MIPOL1: variants seen among roughly 807,000 people sequenced by gnomAD.
MIPOL1 encodes mirror-image polydactyly 1.
In MIPOL1, 57 loss-of-function variants were observed where a neutral mutation model predicts 60.9. The observed-to-expected ratio is 0.94, with a 90% CI of 0.76 to 1.17. The LOEUF is 1.17. MIPOL1 is among the 50% of genes most tolerant of loss of function. The pLI is 0.00. For missense variants in MIPOL1, 551 were observed against 511.6 expected (o/e 1.08, Z -0.74); for synonymous variants, 179 against 168.8 (o/e 1.06, Z -0.47).
chr14:37,513,431 A>T lies in MIPOL1; in HGVS notation c.1262+13293A>T, dbSNP rs192978965. ...TTATATTCATTTATTTATAAAAACT[A>T]AAGAATTTGGGCTTATATCTTAACT... On this transcript the variant is annotated intron_variant, in intron 12 of 12. Transcript: ENST00000684589. Among the ~76,000 whole-genome samples the T allele has an allele frequency of 5.5e-3, 830 of 152,282 alleles. 9 individuals carry two copies. Among genetic ancestry groups the T allele is most frequent in the African/African-American group, 0.019 (809 of 41,572 alleles).
intron 3 of MIPOL1, among the ~76,000 whole-genome samples, chr14:37,257,259 A>T (rs530838977): frequency 6.6e-6 from 1 of 152,066 alleles, no homozygotes; most frequent in East Asian, 1.9e-4. Flanking sequence ...ACAATGAGAG[A>T]TAAACAGAAT....
At chr14:37,210,577 G>T (rs1256763913) in intron 1 of MIPOL1, among the ~76,000 whole-genome samples, 2 of 152,120 alleles carry the variant, frequency 1.3e-5, no homozygotes, top group African/African-American at 4.8e-5. Flanking sequence ...CTCCTCGAAG[G>T]CTTGAAGATT....
intron 9 of MIPOL1, among the ~76,000 whole-genome samples, chr14:37,360,931 T>C (rs997266485): frequency 6.6e-6 from 1 of 152,210 alleles, no homozygotes; most frequent in Admixed American, 6.5e-5. Flanking sequence ...TTTTAGATCT[T>C]TTCTGCTTTC....
intron 9 of MIPOL1, among the ~76,000 whole-genome samples, chr14:37,338,488 A>G (rs2090352685): frequency 6.8e-6 from 1 of 147,162 alleles, no homozygotes; most frequent in African/African-American, 2.5e-5. Context: ...GGCTCACTGC[A>G]ACCTCTGCCT....
intron 11 of MIPOL1, among the ~76,000 whole-genome samples, chr14:37,431,566 T>G (rs12880043): frequency 9.7e-6 from 1 of 103,162 alleles, no homozygotes; most frequent in African/African-American, 3.6e-5. Context: ...GCCATCTCTG[T>G]TTCTTTTTTT....
chr14:37,240,926 G>GAC (rs1410943628), intron 1 of MIPOL1, among the ~76,000 whole-genome samples: 3 of 136,150 alleles, frequency 2.2e-5, no homozygotes, highest in African/African-American at 3.2e-5. Context: ...ACCAGTAGGT[G>GAC]ACACACACAC....
At chr14:37,305,285 A>G (rs2086686879) in intron 7 of MIPOL1, among the ~76,000 whole-genome samples, 1 of 151,880 alleles carries the variant, frequency 6.6e-6, no homozygotes, top group Non-Finnish European at 1.5e-5. Context: ...AAATATTCCA[A>G]ATTGGCACTT....
chr14:37,421,229 G>A (rs1422779898), intron 10 of MIPOL1, among the ~76,000 whole-genome samples: 5 of 152,070 alleles, frequency 3.3e-5, no homozygotes, highest in South Asian at 2.1e-4. Flanking sequence ...TTTTGGTTTT[G>A]TTTTCTGTGC....
At chr14:37,504,045 A>G (rs544138126) in intron 12 of MIPOL1, 1 of 152,330 alleles carries the variant, frequency 6.6e-6, no homozygotes, top group East Asian at 1.9e-4. Flanking sequence ...CACTTCAACA[A>G]GAAGAGCTAA....
chr14:37,279,617 T>C (rs2083938700), intron 6 of MIPOL1, among the ~76,000 whole-genome samples: 1 of 152,070 alleles, frequency 6.6e-6, no homozygotes, highest in Non-Finnish European at 1.5e-5. Context: ...GAGGGTTTTT[T>C]TGTTTTATTT....
At chr14:37,199,144 A>T (rs182550908) in intron 1 of MIPOL1, among the ~76,000 whole-genome samples, 1 of 152,332 alleles carries the variant, frequency 6.6e-6, no homozygotes, top group African/African-American at 2.4e-5. Flanking sequence ...AAAGACATAC[A>T]GAAAAGTGCA....
At chr14:37,318,656 C>T (rs2088199423) in intron 9 of MIPOL1, among the ~76,000 whole-genome samples, 1 of 1,566 alleles carries the variant, frequency 6.4e-4, no homozygotes, top group South Asian at 0.17. Flanking sequence ...AAAAAATTGC[C>T]CCCAAGCTCA....
chr14:37,453,326 T>C (rs773725099), intron 11 of MIPOL1, among the ~76,000 whole-genome samples: 1 of 152,174 alleles, frequency 6.6e-6, no homozygotes, highest in Admixed American at 6.5e-5. Context: ...AGTGGTTTTT[T>C]TCAGGATCCC....
chr14:37,236,460 T>TA, intron 1 of MIPOL1, among the ~76,000 whole-genome samples: 1 of 151,862 alleles, frequency 6.6e-6, no homozygotes, highest in African/African-American at 2.4e-5. Context: ...TTATTATTAT[T>TA]TTTGAGACCC....
intron 3 of MIPOL1, among the ~76,000 whole-genome samples, chr14:37,249,272 C>G (rs1408996653): frequency 6.6e-6 from 1 of 151,668 alleles, no homozygotes; most frequent in Non-Finnish European, 1.5e-5. Flanking sequence ...TTTTTGGTTC[C>G]CCTTCCCCCA....
intron 1 of MIPOL1, among the ~76,000 whole-genome samples, chr14:37,218,590 C>T (rs1021034278): frequency 2.0e-5 from 3 of 151,874 alleles, no homozygotes; most frequent in African/African-American, 7.3e-5. Context: ...TGTATTCTGC[C>T]ATTGTTGGAT....
At chr14:37,282,037 A>G (rs2084148211) in intron 6 of MIPOL1, among the ~76,000 whole-genome samples, 2 of 152,056 alleles carry the variant, frequency 1.3e-5, no homozygotes, top group Admixed American at 1.3e-4. Context: ...GCACATATAC[A>G]TCTTTGGATT....
intron 7 of MIPOL1, among the ~76,000 whole-genome samples, chr14:37,305,182 A>C (rs988133808): frequency 6.6e-6 from 1 of 151,856 alleles, no homozygotes; most frequent in Non-Finnish European, 1.5e-5. Flanking sequence ...TGATATACTT[A>C]CTGTAGACCT....
chr14:37,302,633 C>CTT (rs59760327), intron 7 of MIPOL1, among the ~76,000 whole-genome samples: 120 of 125,158 alleles, frequency 9.6e-4, no homozygotes, highest in African/African-American at 3.0e-3. Flanking sequence ...ATTAAAAAAT[C>CTT]TTTTTTTTTT....
Sources: gnomAD v4.1 joint callset for allele counts (sites outside exome capture counted in the v4.1 genomes callset) on GRCh38, gnomAD v4.1.1 for gene constraint, MANE v1.5 for transcripts, NCBI Gene and HGNC (gene_info 2026-07-23, HGNC 2026-07-21) for gene names.